KCNAB1: variants seen among roughly 807,000 people sequenced by gnomAD.
KCNAB1 encodes potassium voltage-gated channel subfamily A regulatory beta subunit 1.
A neutral mutation model predicts 64.6 loss-of-function variants in KCNAB1; 35 were observed. The observed-to-expected ratio is 0.54, with a 90% CI of 0.41 to 0.72. KCNAB1 has a LOEUF of 0.72. Among genes scored for constraint, KCNAB1 ranks in the 30% least tolerant of loss-of-function variants. The pLI, the probability that KCNAB1 is intolerant of heterozygous loss-of-function variation, is 0.00. For missense variants in KCNAB1, 401 were observed against 512.9 expected, an observed-to-expected ratio of 0.78 and a Z score of 2.11; for synonymous variants, 177 against 183.8, an observed-to-expected ratio of 0.96 and a Z score of 0.30.
intron 8 of KCNAB1, among the ~76,000 whole-genome samples, chr3:156,484,146 T>TC (rs1218478977): frequency 6.6e-6 from 1 of 151,992 alleles, no homozygotes; most frequent in Non-Finnish European, 1.5e-5. Context: ...CTCTCCTCCC[T>TC]CCCCCACCTT....
rs181280283 is a variant in KCNAB1 at position 156,197,309 on chromosome 3, A to G, written c.275+76423A>G. The stretch of plus-strand genomic sequence containing the variant: ...TCTGCCAGGTTTTGGTATCAGGATG[A>G]TGCTGGCCTCATAAAATGAGTCAGA... On this transcript the variant is annotated intron_variant, in intron 1 of 13. Coordinates refer to ENST00000490337, the MANE Select transcript of KCNAB1 (RefSeq NM_172160.3). Among the ~76,000 whole-genome samples, 318 of 152,302 alleles carry G rather than the reference A, an allele frequency of 2.1e-3. 1 individual carries two copies. The highest frequency in any genetic ancestry group is 7.1e-3 in the African/African-American group (294 of 41,564).
At chr3:156,403,723 T>A (rs965308722) in intron 1 of KCNAB1, among the ~76,000 whole-genome samples, 1 of 152,034 alleles carries the variant, frequency 6.6e-6, no homozygotes, top group Non-Finnish European at 1.5e-5. Context: ...TGAAACCCGG[T>A]CTTTACTAAA....
intron 1 of KCNAB1, among the ~76,000 whole-genome samples, chr3:156,162,012 A>G (rs4234309): frequency 0.7 from 106,272 of 152,132 alleles, 37,872 homozygotes; most frequent in East Asian, 0.93. Flanking sequence ...ATTCTTAAAT[A>G]CGACAGGGTT....
chr3:156,157,377 A>T (rs1204222488), intron 1 of KCNAB1, among the ~76,000 whole-genome samples: 1 of 152,218 alleles, frequency 6.6e-6, no homozygotes, highest in African/African-American at 2.4e-5. Context: ...TATGAGCAGA[A>T]TACAGAAAGG....
chr3:156,320,526 T>C (rs1437205221), intron 1 of KCNAB1, among the ~76,000 whole-genome samples: 1 of 152,234 alleles, frequency 6.6e-6, no homozygotes, highest in Non-Finnish European at 1.5e-5. Context: ...CAATTCATTT[T>C]CTTTTGCCAT....
chr3:156,337,990 A>AT (rs1470861499), intron 1 of KCNAB1, among the ~76,000 whole-genome samples: 1 of 152,216 alleles, frequency 6.6e-6, no homozygotes, highest in Non-Finnish European at 1.5e-5. Flanking sequence ...GGGGATGGCG[A>AT]TGTATATACA....
chr3:156,193,510 G>A (rs1380730401), intron 1 of KCNAB1, among the ~76,000 whole-genome samples: 2 of 152,114 alleles, frequency 1.3e-5, no homozygotes, highest in Non-Finnish European at 2.9e-5. Flanking sequence ...CCCGAGGCTG[G>A]GTAATTTATA....
chr3:156,118,582 G>T (rs1713179848), upstream of KCNAB1, among the ~76,000 whole-genome samples: 1 of 152,162 alleles, frequency 6.6e-6, no homozygotes, highest in African/African-American at 2.4e-5. Context: ...TATAGATGAA[G>T]AAAATAAAGC....
intron 1 of KCNAB1, among the ~76,000 whole-genome samples, chr3:156,123,233 G>A (rs1227791880): frequency 6.6e-6 from 1 of 152,200 alleles, no homozygotes; most frequent in South Asian, 2.1e-4. Flanking sequence ...AATATGAAAT[G>A]TATTGAAGAG....
intron 1 of KCNAB1, among the ~76,000 whole-genome samples, chr3:156,139,530 A>G (rs1299661659): frequency 2.1e-5 from 3 of 145,242 alleles, no homozygotes; most frequent in Admixed American, 6.9e-5. Context: ...AAGTGATGTC[A>G]CTGGTGCAAC....
At chr3:156,421,706 C>G (rs944212252) in intron 2 of KCNAB1, 47 bp downstream of exon 2, 33 of 1,557,322 alleles carry the variant, frequency 2.1e-5, no homozygotes, top group Middle Eastern at 1.7e-4. Context: ...AGGTGGGAGA[C>G]TGGGGAGGGC....
intron 2 of KCNAB1, among the ~76,000 whole-genome samples, chr3:156,438,923 A>G (rs1716784953): frequency 6.6e-6 from 1 of 152,156 alleles, no homozygotes; most frequent in South Asian, 2.1e-4. Flanking sequence ...CTGAGGCAGG[A>G]GAATCGCTTG....
chr3:156,193,507 C>G (rs895452485), intron 1 of KCNAB1, among the ~76,000 whole-genome samples: 2 of 152,096 alleles, frequency 1.3e-5, no homozygotes, highest in Non-Finnish European at 2.9e-5. Flanking sequence ...CTGCCCGAGG[C>G]TGGGTAATTT....
chr3:156,210,246 G>A (rs923381828), intron 1 of KCNAB1, among the ~76,000 whole-genome samples: 1 of 152,102 alleles, frequency 6.6e-6, no homozygotes, highest in African/African-American at 2.4e-5. Context: ...CTGCTCTATG[G>A]AGCAGGGCCT....
At chr3:156,304,010 A>G (rs1434084379) in intron 1 of KCNAB1, among the ~76,000 whole-genome samples, 1 of 152,208 alleles carries the variant, frequency 6.6e-6, no homozygotes, top group Non-Finnish European at 1.5e-5. Flanking sequence ...GTGTTTTTCA[A>G]TTTCATTTCT....
At chr3:156,176,914 C>A (rs930740545) in intron 1 of KCNAB1, 2 of 1,024,098 alleles carry the variant, frequency 2.0e-6, no homozygotes, top group East Asian at 4.8e-5. Context: ...TCTATCATGG[C>A]GGCAACCGGA....
intron 1 of KCNAB1, chr3:156,291,810 G>C: frequency 1.3e-6 from 2 of 1,577,944 alleles, no homozygotes; most frequent in East Asian, 2.3e-5. Context: ...AGCAAGGAGG[G>C]CTTAAAAGAA....
chr3:156,136,724 C>T (rs1241983324), intron 1 of KCNAB1, among the ~76,000 whole-genome samples: 2 of 152,260 alleles, frequency 1.3e-5, no homozygotes, highest in African/African-American at 4.8e-5. Flanking sequence ...CCACATTGTG[C>T]ACTTTTGCAC....
intron 1 of KCNAB1, among the ~76,000 whole-genome samples, chr3:156,345,929 C>T (rs895490556): frequency 6.6e-6 from 1 of 152,118 alleles, no homozygotes; most frequent in African/African-American, 2.4e-5. Flanking sequence ...GAAATAAATA[C>T]AATTTTGCTC....
Sources: gnomAD v4.1 joint callset for allele counts (sites outside exome capture counted in the v4.1 genomes callset) on GRCh38, gnomAD v4.1.1 for gene constraint, MANE v1.5 for transcripts, NCBI Gene and HGNC (gene_info 2026-07-23, HGNC 2026-07-21) for gene names.